The following AKAP13 variants were observed in gnomAD, a reference collection of about 807,000 sequenced individuals.
The protein encoded by AKAP13 is A-kinase anchor protein 13.
Under a neutral mutation model 264.5 loss-of-function variants are expected in AKAP13, and 80 were observed. The observed-to-expected ratio is 0.30, with a 90% confidence interval of 0.25 to 0.36. The LOEUF is 0.36. Ranked by LOEUF, AKAP13 falls within the 10% of genes least tolerant of loss-of-function variation. The pLI is 1.00. For missense variants in AKAP13, 3,712 were observed against 3,435.2 expected (o/e 1.08, Z -2.01); for synonymous variants, 1,380 against 1,250.2 (o/e 1.10, Z -2.19).
At chr15:85,696,647 T>A (rs79976606) in intron 17 of AKAP13, among the ~76,000 whole-genome samples, 33 of 152,286 alleles carry the variant, frequency 2.2e-4, no homozygotes, top group African/African-American at 7.7e-4. Context: ...TTCAGGGAAC[T>A]TCATCAGTAA....
In AKAP13 at chr15:85,581,282, A is replaced by T; in HGVS notation, c.3214A>T (p.Thr1072Ser). 6.2e-7 allele frequency: 1 copy of T among 1,614,186 alleles called. No individual in the cohort carries two copies. The highest frequency in any genetic ancestry group is 8.5e-7 in the Non-Finnish European group (1 of 1,180,030). The change falls in exon 7 of 37, where the codon ACT (threonine) becomes TCT (serine). Residue 1072 changes from threonine (T) to serine (S), a missense_variant. This residue lies in a region of AKAP13 where 2,759 missense variants were observed against 2,411.7 expected (regional missense o/e 1.14). Coordinates refer to ENST00000394518, the MANE Select transcript of AKAP13 (RefSeq NM_007200.5). Reference sequence around the variant, plus strand: ...TCCTCTGGATGTTGGAGTGAAGAACACTCAATCCCAGGGAAAAACTAGTGC... The same window carrying T: ...TCCTCTGGATGTTGGAGTGAAGAACTCTCAATCCCAGGGAAAAACTAGTGC... ...PSPLDVGVKN[T>S]QSQGKTSACE...
At chr15:85,456,449 T>G (rs765299819) in intron 1 of AKAP13, among the ~76,000 whole-genome samples, 21 of 152,076 alleles carry the variant, frequency 1.4e-4, no homozygotes, top group Non-Finnish European at 2.5e-4. Context: ...TGTTTTCTTC[T>G]TTTTAAAAAA....
At chr15:85,574,885 C>A (rs1344430001) in intron 5 of AKAP13, among the ~76,000 whole-genome samples, 1 of 152,178 alleles carries the variant, frequency 6.6e-6, no homozygotes, top group Non-Finnish European at 1.5e-5. Flanking sequence ...ATCTCTTTAT[C>A]TTGATCTAAA....
rs994758608 is a variant in AKAP13 at position 85,682,190 on chromosome 15, A to G, written c.5134A>G (p.Thr1712Ala). Residue 1712 changes from threonine (T) to alanine (A), a missense_variant, in exon 15 of 37, where the codon ACC becomes GCC. Thr to Ala is a moderately conservative substitution (Grantham distance 58). Around this residue, in one of 3 missense-constraint regions of AKAP13, gnomAD observed 2,759 missense variants for 2,411.7 expected, o/e 1.14. Transcript: ENST00000394518. ...SRPFHSTFHN[T>A]SANLTESITE... ...GCCCTTCCACAGTACCTTCCACAAT[A>G]CCAGTGCTAATCTGACTGAGAGGTA... 6.2e-7 allele frequency: 1 copy of G among 1,613,370 alleles called. No homozygotes were observed. The highest frequency in any genetic ancestry group is 8.5e-7 in the Non-Finnish European group (1 of 1,179,930).
At chr15:85,595,060 T>G (rs1392857966) in intron 8 of AKAP13, among the ~76,000 whole-genome samples, 2 of 152,172 alleles carry the variant, frequency 1.3e-5, no homozygotes, top group African/African-American at 2.4e-5. Flanking sequence ...TATTTTTCCC[T>G]GGACAAATTA....
intron 8 of AKAP13, among the ~76,000 whole-genome samples, chr15:85,633,009 G>T (rs2081912264): frequency 6.6e-6 from 1 of 152,110 alleles, no homozygotes; most frequent in Admixed American, 6.5e-5. Context: ...GGGACTACAG[G>T]CATGTGCCAC....
chr15:85,688,593 A>T (rs1032242204), intron 16 of AKAP13, among the ~76,000 whole-genome samples: 1 of 152,228 alleles, frequency 6.6e-6, no homozygotes, highest in South Asian at 2.1e-4. Flanking sequence ...TATTCCATTC[A>T]GTTGTATAAT....
intron 1 of AKAP13, among the ~76,000 whole-genome samples, chr15:85,399,531 T>TAAAAAAAAAAAA (rs1209122994): frequency 9.5e-6 from 1 of 105,000 alleles, no homozygotes; most frequent in Non-Finnish European, 2.0e-5. Flanking sequence ...AATAAAAAAA[T>TAAAAAAAAAAAA]AAAAAAATAA....
chr15:85,502,200 A>T (rs1596348702), intron 2 of AKAP13, among the ~76,000 whole-genome samples: 1 of 152,210 alleles, frequency 6.6e-6, no homozygotes, highest in African/African-American at 2.4e-5. Flanking sequence ...TTAGGAGTCA[A>T]GTAGACACAG....
intron 8 of AKAP13, among the ~76,000 whole-genome samples, chr15:85,614,773 T>C (rs1196792221): frequency 6.6e-6 from 1 of 152,224 alleles, no homozygotes; most frequent in East Asian, 1.9e-4. Context: ...TATAACTGAC[T>C]TAAATTCTAA....
intron 1 of AKAP13, among the ~76,000 whole-genome samples, chr15:85,431,212 T>C (rs1477396123): frequency 6.6e-6 from 1 of 152,228 alleles, no homozygotes; most frequent in Non-Finnish European, 1.5e-5. Flanking sequence ...TAACATTGTT[T>C]AGAAGCCTGA....
At chr15:85,540,137 G>A (rs1392277769) in intron 4 of AKAP13, among the ~76,000 whole-genome samples, 2 of 152,146 alleles carry the variant, frequency 1.3e-5, no homozygotes, top group Non-Finnish European at 2.9e-5. Context: ...TAGGGCAGGA[G>A]GGGGAGGGAA....
chr15:85,552,121 A>G (rs891812499), intron 5 of AKAP13, among the ~76,000 whole-genome samples: 2 of 152,380 alleles, frequency 1.3e-5, no homozygotes, highest in African/African-American at 2.4e-5. Context: ...AATATGAGGT[A>G]GTAAAAAAAT....
intron 1 of AKAP13, among the ~76,000 whole-genome samples, chr15:85,404,254 G>A (rs2071565347): frequency 6.6e-6 from 1 of 152,160 alleles, no homozygotes; most frequent in Non-Finnish European, 1.5e-5. Context: ...CCTGTTTTAT[G>A]TTTTGTCAGT....
chr15:85,693,690 T>G (rs1217866528), intron 17 of AKAP13, among the ~76,000 whole-genome samples: 1 of 152,260 alleles, frequency 6.6e-6, no homozygotes, highest in Non-Finnish European at 1.5e-5. Flanking sequence ...TCAGCCTAGC[T>G]TTTTAACTTT....
At chr15:85,448,809 C>G (rs1216701331) in intron 1 of AKAP13, among the ~76,000 whole-genome samples, 20 of 142,404 alleles carry the variant, frequency 1.4e-4, no homozygotes, top group Admixed American at 1.4e-3. Context: ...ATTCTTCCAG[C>G]TTTGTTCTTT....
intron 8 of AKAP13, chr15:85,621,427 G>A (rs1407977527): frequency 2.0e-5 from 3 of 152,164 alleles, no homozygotes; most frequent in Non-Finnish European, 4.4e-5. Flanking sequence ...TGAGATCACG[G>A]TGATGTTTTA....
chr15:85,517,944 G>C (rs2076669025), intron 2 of AKAP13, among the ~76,000 whole-genome samples: 1 of 152,150 alleles, frequency 6.6e-6, no homozygotes, highest in Admixed American at 6.5e-5. Context: ...ATTGGAAGAG[G>C]GTGGTGATGT....
At chr15:85,404,482 T>G (rs1036501035) in intron 1 of AKAP13, among the ~76,000 whole-genome samples, 4 of 152,258 alleles carry the variant, frequency 2.6e-5, no homozygotes, top group African/African-American at 7.2e-5. Context: ...GATTACTTTG[T>G]GTGCCAATGT....
Sources: allele counts gnomAD v4.1 joint callset (sites outside exome capture counted in the v4.1 genomes callset), GRCh38; gene constraint gnomAD v4.1.1; regional missense constraint gnomAD v4.1.1; transcripts MANE v1.5; gene names NCBI Gene and HGNC (gene_info 2026-07-23, HGNC 2026-07-21).